CCDC39: variants seen among roughly 807,000 people sequenced by gnomAD.
CCDC39 encodes coiled-coil domain-containing protein 39.
A neutral mutation model predicts 121.0 loss-of-function variants in CCDC39; 113 were observed. The observed-to-expected ratio is 0.93, with a 90% confidence interval of 0.80 to 1.09. The LOEUF is 1.09. Ranked by LOEUF, CCDC39 falls within the 50% of genes least tolerant of loss-of-function variation. The pLI is 0.00. For missense variants in CCDC39, 1,063 were observed against 1,074.7 expected (o/e 0.99, Z 0.15); for synonymous variants, 349 against 352.2 (o/e 0.99, Z 0.10).
At chr3:180,635,306 C>T (rs1717798822) in intron 13 of CCDC39, among the ~76,000 whole-genome samples, 1 of 152,202 alleles carries the variant, frequency 6.6e-6, no homozygotes, top group South Asian at 2.1e-4. Context: ...CCATATTCTG[C>T]CCCTAGTGCC....
intron 1 of CCDC39, among the ~76,000 whole-genome samples, chr3:180,669,685 A>G (rs915185757): frequency 2.7e-4 from 41 of 152,288 alleles, no homozygotes; most frequent in African/African-American, 9.9e-4. Context: ...AGATAATGAA[A>G]TAGATAATGA....
At chr3:180,650,622 G>A (rs918250018) in intron 9 of CCDC39, among the ~76,000 whole-genome samples, 4 of 151,712 alleles carry the variant, frequency 2.6e-5, no homozygotes, top group Non-Finnish European at 4.4e-5. Flanking sequence ...TTTGGGAAGC[G>A]GAGGAGGGTA....
chr3:180,625,118 T>C (rs995851879), intron 14 of CCDC39, among the ~76,000 whole-genome samples: 3 of 152,168 alleles, frequency 2.0e-5, no homozygotes, highest in Non-Finnish European at 1.5e-5. Context: ...AAATGGGCTT[T>C]CTAAACTTAT....
At chr3:180,653,476 T>C (rs1177037327) in intron 7 of CCDC39, among the ~76,000 whole-genome samples, 1 of 152,204 alleles carries the variant, frequency 6.6e-6, no homozygotes, top group Non-Finnish European at 1.5e-5. Flanking sequence ...AATTCCCTGC[T>C]CATTCCTAAT....
At position 180,614,345 on chromosome 3, in the gene CCDC39, T is replaced by A. The variant is rs1224297392; in HGVS notation, c.*576A>T. 7.6e-6 allele frequency: 1 copy of A among 131,778 alleles called. No homozygotes were observed. Among genetic ancestry groups the A allele is most frequent in the Non-Finnish European group, 1.6e-5 (1 of 63,772 alleles). 8.2% of individuals were successfully genotyped at this position (131,778 alleles called of 1,614,324 possible). A position where few individuals can be genotyped will look rare whatever the true frequency, so the allele number is the denominator to read the frequency against. ...AATTTATGCTGCATTTTAAAATTGA[T>A]ATACAGTGTTTCTCTTACCGGTTTT... On this transcript the variant is annotated 3_prime_UTR_variant, in exon 20 of 20. Transcript: ENST00000476379.
chr3:180,664,756 C>T (rs988533408), intron 1 of CCDC39, among the ~76,000 whole-genome samples: 2 of 150,106 alleles, frequency 1.3e-5, no homozygotes, highest in East Asian at 2.0e-4. Flanking sequence ...AGTGCAGTGG[C>T]GCGATCTCGG....
intron 1 of CCDC39, among the ~76,000 whole-genome samples, chr3:180,666,391 T>C (rs1186865418): frequency 6.6e-6 from 1 of 152,210 alleles, no homozygotes; most frequent in Non-Finnish European, 1.5e-5. Context: ...GGTGTCTCTA[T>C]GTTTTTACTT....
Position 180,679,462 on chromosome 3 carries a change from G to T in CCDC39, c.-82C>A. On this transcript the variant is annotated 5_prime_UTR_variant, in exon 1 of 20. Coordinates refer to ENST00000476379, the MANE Select transcript of CCDC39 (RefSeq NM_181426.2). This position sits in a 1 kb window ranked among gnomAD's most constrained non-coding sequence, Gnocchi z 4.0. Reference sequence around the variant, plus strand: ...TGAGCAGCACCCGCGTCAAGCCCAGGCACCTGCACAGTGCCGCGGCAATTG... The same window carrying T: ...TGAGCAGCACCCGCGTCAAGCCCAGTCACCTGCACAGTGCCGCGGCAATTG... 1.5e-6 allele frequency: 2 copies of T among 1,306,026 alleles called. No homozygotes were observed. Among genetic ancestry groups the T allele is most frequent in the South Asian group, 1.2e-5 (1 of 84,992 alleles). The allele number at this position is 1,306,026 out of a possible 1,614,324, so 80.9% of individuals were successfully genotyped here. A position where few individuals can be genotyped will look rare whatever the true frequency, so the allele number is the denominator to read the frequency against.
chr3:180,635,898 T>G (rs1438522134), intron 13 of CCDC39, among the ~76,000 whole-genome samples: 1 of 152,154 alleles, frequency 6.6e-6, no homozygotes, highest in Non-Finnish European at 1.5e-5. Context: ...TTGATAAAAG[T>G]CAACTCCTCT....
chr3:180,654,673 CT>C (rs1711541403), intron 7 of CCDC39, 88 bp downstream of exon 7: 1 of 567,536 alleles, frequency 1.8e-6, no homozygotes, highest in African/African-American at 2.1e-5. Flanking sequence ...GAAGTAGTTT[CT>C]TTATCACAGG....
rs1003995482 is a variant in CCDC39, at chr3:180,634,111, C to T, written c.1875-2519G>A. Among the ~76,000 whole-genome samples the T allele has an allele frequency of 4.6e-5, 7 of 152,270 alleles. No homozygotes were observed. In the East Asian group the frequency reaches 7.7e-4, roughly 17 times the overall value. Reference sequence around the variant, plus strand: ...CTGACTCCCTTAACTCCTTGCTCCCCAGCAAGCCACAAGCTCACACCAGCA... The same window carrying T: ...CTGACTCCCTTAACTCCTTGCTCCCTAGCAAGCCACAAGCTCACACCAGCA... On this transcript the variant is annotated intron_variant, in intron 13 of 19. Coordinates refer to ENST00000476379, the MANE Select transcript of CCDC39 (RefSeq NM_181426.2).
chr3:180,642,776 G>A (rs1025319695), intron 12 of CCDC39, among the ~76,000 whole-genome samples: 5 of 151,672 alleles, frequency 3.3e-5, no homozygotes, highest in South Asian at 2.1e-4. Context: ...TGAAATCAAC[G>A]TAACTACTAG....
intron 2 of CCDC39, among the ~76,000 whole-genome samples, chr3:180,663,316 C>T (rs1711787580): frequency 6.6e-6 from 1 of 152,142 alleles, no homozygotes; most frequent in Non-Finnish European, 1.5e-5. Flanking sequence ...TTTCTCACCA[C>T]CATCATTGTA....
chr3:180,646,933 T>G, intron 11 of CCDC39, 146 bp downstream of exon 11: 1 of 674,530 alleles, frequency 1.5e-6, no homozygotes, highest in South Asian at 2.0e-5. Flanking sequence ...ACACTAATAG[T>G]ACAAAAATAA....
chr3:180,651,967 G>T (rs1711500967), intron 8 of CCDC39, among the ~76,000 whole-genome samples, 196 bp downstream of exon 8: 1 of 151,886 alleles, frequency 6.6e-6, no homozygotes, highest in South Asian at 2.1e-4. Flanking sequence ...AACCCAGGAG[G>T]CGGAGCTTGC....
intron 6 of CCDC39, among the ~76,000 whole-genome samples, chr3:180,657,536 C>T (rs1215833529): frequency 6.6e-6 from 1 of 152,150 alleles, no homozygotes; most frequent in Non-Finnish European, 1.5e-5. Context: ...GCATTAAAAT[C>T]AGACAGAAAT....
At position 180,660,711 on chromosome 3, in the gene CCDC39, G is replaced by T; in HGVS notation, c.375C>A (p.Ala125=). The T allele has an allele frequency of 6.2e-7, 1 of 1,601,308 alleles. No individual in the cohort carries two copies. The change falls in exon 4 of 20, where the codon GCC becomes GCA. Residue 125 remains alanine (A), a synonymous_variant. Coordinates refer to ENST00000476379, the MANE Select transcript of CCDC39 (RefSeq NM_181426.2). ...KSDKENGIFK[A]TQKLDGLKCQ... ...ATTTCAAACCATCCAATTTTTGAGT[G>T]GCTTTAAATATGCCATTCTAATTTC...
intron 16 of CCDC39, 43 bp from the exon 17 acceptor site, chr3:180,617,009 T>G: frequency 9.2e-7 from 1 of 1,082,160 alleles, no homozygotes. Flanking sequence ...AATCAGAAAT[T>G]GACTTTTATA....
intron 4 of CCDC39, 106 bp downstream of exon 4, chr3:180,660,464 G>A: frequency 2.0e-6 from 2 of 1,011,886 alleles, no homozygotes; most frequent in Non-Finnish European, 2.7e-6. Flanking sequence ...TGACTCAGAA[G>A]TTTAAGAATT....
Sources: gnomAD v4.1 joint callset for allele counts (sites outside exome capture counted in the v4.1 genomes callset) on GRCh38, gnomAD v4.1.1 for gene constraint, Gnocchi (gnomAD v3.1) non-coding constraint, MANE v1.5 for transcripts, NCBI Gene and HGNC (gene_info 2026-07-23, HGNC 2026-07-21) for gene names.